Variants in PCDH9 observed in about 807,000 individuals in gnomAD.
The protein encoded by PCDH9 is protocadherin 9.
Under a neutral mutation model 70.6 loss-of-function variants are expected in PCDH9, and 24 were observed. That is an observed-to-expected ratio of 0.34 (90% CI 0.25 to 0.48). PCDH9 has a LOEUF of 0.48. Among genes scored for constraint, PCDH9 ranks in the 20% least tolerant of loss-of-function variants. PCDH9 has a pLI of 0.99. For synonymous variants in PCDH9, 562 were observed against 558.5 expected (o/e 1.01, Z -0.09); for missense variants, 1,281 against 1,503.6 (o/e 0.85, Z 2.45).
chr13:67,194,644 C>A (rs1318870305), intron 2 of PCDH9, among the ~76,000 whole-genome samples: 1 of 152,050 alleles, frequency 6.6e-6, no homozygotes, highest in Admixed American at 6.6e-5. Flanking sequence ...CAATAATATT[C>A]ATATTTATTA....
chr13:67,109,597 CTA>C (rs1467140906), intron 2 of PCDH9, among the ~76,000 whole-genome samples: 1 of 151,782 alleles, frequency 6.6e-6, no homozygotes, highest in Non-Finnish European at 1.5e-5. Flanking sequence ...TTTATGCTAA[CTA>C]TTTGAATAAA....
intron 2 of PCDH9, among the ~76,000 whole-genome samples, chr13:66,961,115 A>T (rs562004365): frequency 2.0e-4 from 30 of 152,090 alleles, no homozygotes; most frequent in East Asian, 5.8e-4. Flanking sequence ...TCTATTTTTT[A>T]AAAAAAATAC....
chr13:66,647,057 C>T (rs1331276780), intron 3 of PCDH9, among the ~76,000 whole-genome samples: 4 of 152,172 alleles, frequency 2.6e-5, no homozygotes, highest in Non-Finnish European at 5.9e-5. Context: ...TTCCAGCAAG[C>T]TTTGCCACCA....
intron 3 of PCDH9, among the ~76,000 whole-genome samples, chr13:66,791,553 T>C (rs1378170935): frequency 6.6e-6 from 1 of 152,134 alleles, no homozygotes; most frequent in Non-Finnish European, 1.5e-5. Flanking sequence ...TTTTTGCCAA[T>C]GAAAGTAATG....
intron 4 of PCDH9, among the ~76,000 whole-genome samples, chr13:66,376,724 C>A: frequency 6.6e-6 from 1 of 151,784 alleles, no homozygotes. Context: ...AATGCTAGAT[C>A]TATGTAGAAG....
At position 66,305,039 on chromosome 13, in the gene PCDH9, C is replaced by T. The variant is rs188631553; in HGVS notation, c.3341-11G>A. The T allele has an allele frequency of 4.5e-6, 7 of 1,566,892 alleles. No homozygotes were observed. The African/African-American group carries it at 5.5e-5, about 12-fold the overall frequency. The stretch of plus-strand genomic sequence containing the variant: ...GACCCAAAGGCCCATCTGCAGAAGA[C>T]AAGAGAGAGAAAATAAGAAAAGGAA... On this transcript the variant is annotated splice_polypyrimidine_tract_variant and intron_variant, in intron 4 of 4. Coordinates refer to ENST00000377865, the MANE Select transcript of PCDH9 (RefSeq NM_203487.3).
chr13:66,913,297 A>G (rs117794796), intron 2 of PCDH9, among the ~76,000 whole-genome samples: 13 of 152,116 alleles, frequency 8.5e-5, no homozygotes, highest in Non-Finnish European at 1.8e-4. Context: ...TCTTTTTTTT[A>G]TAGTGCACTA....
chr13:66,957,063 C>T (rs1227549953), intron 2 of PCDH9, among the ~76,000 whole-genome samples: 2 of 152,178 alleles, frequency 1.3e-5, no homozygotes, highest in African/African-American at 2.4e-5. Context: ...TTTAACATAA[C>T]AATGCTTTGT....
At chr13:67,225,044 G>C (rs1189175855) in intron 2 of PCDH9, 1 of 1,078,502 alleles carries the variant, frequency 9.3e-7, no homozygotes, top group Non-Finnish European at 1.1e-6. Context: ...CAAAAGGTAA[G>C]GTGAAAGTCT....
intron 2 of PCDH9, among the ~76,000 whole-genome samples, chr13:66,937,344 C>T (rs2082933377): frequency 1.3e-5 from 2 of 152,210 alleles, no homozygotes; most frequent in South Asian, 4.1e-4. Flanking sequence ...AACTCTAAAC[C>T]GCCTGTTCTT....
intron 3 of PCDH9, among the ~76,000 whole-genome samples, chr13:66,872,463 CATTAAGCATACA>C (rs1441364450): frequency 6.6e-6 from 1 of 152,002 alleles, no homozygotes; most frequent in Non-Finnish European, 1.5e-5. Flanking sequence ...TTTAGAGAAG[CATTAAGCATACA>C]GTAATTCTTT....
chr13:66,870,647 T>C (rs1040699378), intron 3 of PCDH9, among the ~76,000 whole-genome samples: 22 of 152,168 alleles, frequency 1.4e-4, no homozygotes, highest in Admixed American at 3.9e-4. Context: ...ATGCTCATCA[T>C]CACTGGCCAT....
chr13:66,337,913 C>T (rs578146079), intron 4 of PCDH9, among the ~76,000 whole-genome samples: 3 of 151,992 alleles, frequency 2.0e-5, no homozygotes, highest in Non-Finnish European at 4.4e-5. Context: ...AAGAATATGG[C>T]AACAGTGTTG....
intron 3 of PCDH9, among the ~76,000 whole-genome samples, chr13:66,770,697 G>C (rs572787841): frequency 2.0e-5 from 3 of 152,254 alleles, no homozygotes; most frequent in African/African-American, 7.2e-5. Flanking sequence ...CTCCAACAAA[G>C]GCTATAGCTC....
chr13:66,721,906 T>C (rs2078946074), intron 3 of PCDH9, among the ~76,000 whole-genome samples: 1 of 152,190 alleles, frequency 6.6e-6, no homozygotes, highest in South Asian at 2.1e-4. Flanking sequence ...GAACCTCCAA[T>C]GACACGAGCA....
intron 4 of PCDH9, among the ~76,000 whole-genome samples, chr13:66,306,724 T>A (rs1176335275): frequency 6.6e-6 from 1 of 151,996 alleles, no homozygotes; most frequent in Non-Finnish European, 1.5e-5. Context: ...AGTTTTATTT[T>A]GTTTAAACAC....
At chr13:66,980,726 C>CTTTGTTTTT (rs2083729076) in intron 2 of PCDH9, among the ~76,000 whole-genome samples, 3 of 33,408 alleles carry the variant, frequency 9.0e-5, no homozygotes, top group Admixed American at 2.7e-4. Context: ...CTGTTTTTTT[C>CTTTGTTTTT]TTTGTTTTTT....
chr13:66,482,614 A>G (rs903996814), intron 4 of PCDH9, among the ~76,000 whole-genome samples: 1 of 152,236 alleles, frequency 6.6e-6, no homozygotes, highest in Non-Finnish European at 1.5e-5. Flanking sequence ...AGGCAAGGAA[A>G]GGAGGCACAT....
At chr13:66,944,813 G>GTC (rs1299943426) in intron 2 of PCDH9, among the ~76,000 whole-genome samples, 21 of 118,792 alleles carry the variant, frequency 1.8e-4, no homozygotes, top group East Asian at 2.4e-4. Context: ...TCTTCTAATC[G>GTC]TCTCTGTGTG....
Sources: allele counts gnomAD v4.1 joint callset (sites outside exome capture counted in the v4.1 genomes callset), GRCh38; gene constraint gnomAD v4.1.1; transcripts MANE v1.5; gene names NCBI Gene and HGNC (gene_info 2026-07-23, HGNC 2026-07-21).